GLI2: variants seen among roughly 807,000 people sequenced by gnomAD.
The protein encoded by GLI2 is transcription activator GLI2.
Under a neutral mutation model 78.9 loss-of-function variants are expected in GLI2, and 22 were observed. That is an observed-to-expected ratio of 0.28 (90% CI 0.20 to 0.40). GLI2 has a LOEUF of 0.40. Ranked by LOEUF, GLI2 falls within the 10% of genes least tolerant of loss-of-function variation. The probability of loss-of-function intolerance (pLI) is 1.00; values close to 1 mark genes in which losing one functional copy is unlikely to be tolerated. For missense variants in GLI2, 2,097 were observed against 2,213.2 expected (o/e 0.95, Z 1.05); for synonymous variants, 974 against 963.7 (o/e 1.01, Z -0.20).
intron 5 of GLI2, among the ~76,000 whole-genome samples, chr2:120,968,227 T>C (rs1681953207): frequency 6.6e-6 from 1 of 152,178 alleles, no homozygotes; most frequent in Non-Finnish European, 1.5e-5. Context: ...AGAAGCTGTG[T>C]GTTAGAAGCC....
chr2:120,923,800 C>T (rs1310121187), intron 2 of GLI2, among the ~76,000 whole-genome samples: 1 of 152,114 alleles, frequency 6.6e-6, no homozygotes, highest in South Asian at 2.1e-4. Flanking sequence ...ACATACCCCA[C>T]ACACGCTACA....
At chr2:120,934,892 G>A (rs1365204096) in intron 3 of GLI2, among the ~76,000 whole-genome samples, 1 of 152,098 alleles carries the variant, frequency 6.6e-6, no homozygotes, top group Non-Finnish European at 1.5e-5. Context: ...CATAAAGACT[G>A]CACCGTTCAC....
At chr2:120,811,185 C>G (rs559152003) in intron 2 of GLI2, among the ~76,000 whole-genome samples, 31 of 152,286 alleles carry the variant, frequency 2.0e-4, no homozygotes, top group African/African-American at 5.8e-4. Context: ...GTGTCCGCCT[C>G]CCTGAAGCCA....
intron 2 of GLI2, among the ~76,000 whole-genome samples, chr2:120,913,526 T>C (rs1678938137): frequency 6.6e-6 from 1 of 152,212 alleles, no homozygotes; most frequent in South Asian, 2.1e-4. Context: ...GTATTTCTGT[T>C]GGCCAGGGCT....
At chr2:120,830,211 C>G (rs769860802) in intron 2 of GLI2, among the ~76,000 whole-genome samples, 1 of 152,190 alleles carries the variant, frequency 6.6e-6, no homozygotes, top group Non-Finnish European at 1.5e-5. Flanking sequence ...GTGCAGCCAC[C>G]TGCACCGTGC....
At chr2:120,813,848 T>C (rs966855857) in intron 2 of GLI2, among the ~76,000 whole-genome samples, 1 of 152,214 alleles carries the variant, frequency 6.6e-6, no homozygotes, top group Admixed American at 6.5e-5. Flanking sequence ...AGATGCATTT[T>C]CTAAGGTTAC....
At chr2:120,802,172 G>A (rs1312551208) in intron 2 of GLI2, among the ~76,000 whole-genome samples, 2 of 152,176 alleles carry the variant, frequency 1.3e-5, no homozygotes, top group Non-Finnish European at 2.9e-5. Flanking sequence ...CTTCCCCTAG[G>A]AGTCCATGAG....
chr2:120,943,765 A>G (rs1360589783), intron 3 of GLI2, among the ~76,000 whole-genome samples: 1 of 151,728 alleles, frequency 6.6e-6, no homozygotes, highest in African/African-American at 2.4e-5. Context: ...TCTGACTCCA[A>G]CCCCCGAGTG....
intron 2 of GLI2, among the ~76,000 whole-genome samples, chr2:120,820,225 G>A (rs189080404): frequency 2.6e-5 from 4 of 152,338 alleles, no homozygotes; most frequent in East Asian, 1.9e-4. Context: ...ACAGTGGAGC[G>A]AAGGTGGGTT....
At chr2:120,873,803 C>G (rs1688588526) in intron 2 of GLI2, among the ~76,000 whole-genome samples, 1 of 152,212 alleles carries the variant, frequency 6.6e-6, no homozygotes, top group African/African-American at 2.4e-5. Flanking sequence ...GCTCTCCTCT[C>G]TATCATTGTG....
At chr2:120,972,359 C>T (rs1206710141) in intron 8 of GLI2, among the ~76,000 whole-genome samples, 3 of 152,256 alleles carry the variant, frequency 2.0e-5, no homozygotes, top group African/African-American at 7.2e-5. Flanking sequence ...TCTCTCGCCA[C>T]ACCTGACCTG....
Position 120,765,902 on chromosome 2 carries a change from G to A in GLI2, c.-31+29617G>A, listed in dbSNP as rs143129386. Among the ~76,000 whole-genome samples the A allele has an allele frequency of 6.6e-3, 998 of 152,352 alleles. 6 individuals are homozygous for A. Among genetic ancestry groups the A allele is most frequent in the Non-Finnish European group, 9.5e-3 (646 of 68,030 alleles). On this transcript the variant is annotated intron_variant, in intron 1 of 13. Transcript: ENST00000361492. Reference sequence around the variant, plus strand: ...CTCAGGGAATGAGATAGGAGATGTTGATGTGAAGAGAGAATGTGGAATTTA... The same window carrying A: ...CTCAGGGAATGAGATAGGAGATGTTAATGTGAAGAGAGAATGTGGAATTTA...
At chr2:120,934,010 A>C (rs1558894267) in intron 3 of GLI2, among the ~76,000 whole-genome samples, 1 of 152,212 alleles carries the variant, frequency 6.6e-6, no homozygotes, top group Non-Finnish European at 1.5e-5. Flanking sequence ...GGTCTTAAAG[A>C]TGCCCATTCT....
intron 1 of GLI2, among the ~76,000 whole-genome samples, chr2:120,762,781 C>T (rs1683252668): frequency 6.6e-6 from 1 of 152,212 alleles, no homozygotes; most frequent in Admixed American, 6.5e-5. Flanking sequence ...GGTCTGGCTG[C>T]CTTGGGGGCT....
At chr2:120,880,987 C>T (rs1370917086) in intron 2 of GLI2, among the ~76,000 whole-genome samples, 1 of 152,174 alleles carries the variant, frequency 6.6e-6, no homozygotes, top group Non-Finnish European at 1.5e-5. Flanking sequence ...GAAGGCAGCA[C>T]CCCCTGTTAC....
At chr2:120,835,402 T>C (rs1237466842) in intron 2 of GLI2, among the ~76,000 whole-genome samples, 2 of 150,848 alleles carry the variant, frequency 1.3e-5, no homozygotes, top group African/African-American at 2.4e-5. Context: ...TTTTTTTTTT[T>C]GGAGACAGAG....
At chr2:120,780,048 C>T (rs1683791754) in intron 1 of GLI2, among the ~76,000 whole-genome samples, 1 of 151,830 alleles carries the variant, frequency 6.6e-6, no homozygotes, top group Admixed American at 6.6e-5. Context: ...GGATTCAGTG[C>T]AGCAGGTTGT....
intron 2 of GLI2, among the ~76,000 whole-genome samples, chr2:120,856,737 G>A (rs564796950): frequency 6.6e-6 from 1 of 152,098 alleles, no homozygotes; most frequent in Admixed American, 6.5e-5. Context: ...GCAGACCAGC[G>A]CTTTCCTGGG....
chr2:120,978,222 G>A (rs1260196481), intron 9 of GLI2, among the ~76,000 whole-genome samples: 3 of 152,254 alleles, frequency 2.0e-5, no homozygotes, highest in Middle Eastern at 3.4e-3. Context: ...CGTAGGGGTG[G>A]TCTTGTTGGG....
Sources: allele counts gnomAD v4.1 joint callset (sites outside exome capture counted in the v4.1 genomes callset), GRCh38; gene constraint gnomAD v4.1.1; transcripts MANE v1.5; gene names NCBI Gene and HGNC (gene_info 2026-07-23, HGNC 2026-07-21).